The following PPWD1 variants were observed in gnomAD, a reference collection of about 807,000 sequenced individuals.
PPWD1 encodes peptidylprolyl isomerase domain and WD repeat containing 1.
In PPWD1, 43 loss-of-function variants were observed where a neutral mutation model predicts 68.8. The observed-to-expected ratio is 0.62, with a 90% CI of 0.49 to 0.81. The LOEUF (loss-of-function observed/expected upper bound fraction) is 0.81. PPWD1 is among the 30% of genes least tolerant of loss of function. PPWD1 has a pLI of 0.00. For missense variants in PPWD1, 672 were observed against 804.8 expected (o/e 0.83, Z 2.00); for synonymous variants, 232 against 258.7 (o/e 0.90, Z 0.99).
chr5:65,586,131 G>A lies in PPWD1; in HGVS notation c.1747G>A (p.Ala583Thr), dbSNP rs775467257. 1.7e-5 allele frequency: 28 copies of A among 1,613,424 alleles called. No individual in the cohort carries two copies. The highest frequency in any genetic ancestry group is 3.3e-5 in the Admixed American group (2 of 59,934). Residue 583 changes from alanine (A) to threonine (T), a missense_variant, in exon 10 of 11, where the codon GCG becomes ACG. Transcript: ENST00000261308. ...GCCATACACACTCAGCATGGCTAAC[G>A]CGGGATCAAATACTAATGGATCCCA... ...DRPYTLSMAN[A>T]GSNTNGSQFF...
chr5:65,577,194 T>G (rs1235390867), intron 6 of PPWD1, 125 bp downstream of exon 6: 1 of 1,378,232 alleles, frequency 7.3e-7, no homozygotes, highest in Non-Finnish European at 9.4e-7. Context: ...TGTCTAAACT[T>G]AACCAAATGT....
intron 1 of PPWD1, chr5:65,563,835 T>C: frequency 6.7e-7 from 1 of 1,496,878 alleles, no homozygotes; most frequent in Non-Finnish European, 9.0e-7. Flanking sequence ...CGAACTCTTA[T>C]TTAGGTATGC....
intron 10 of PPWD1, 83 bp downstream of exon 10, chr5:65,586,264 T>G: frequency 1.6e-6 from 2 of 1,259,220 alleles, no homozygotes; most frequent in Non-Finnish European, 2.2e-6. Flanking sequence ...AGCTGCATTA[T>G]TCTGTATTTT....
rs566989049 is a variant in PPWD1, at chr5:65,570,096, A to G, written c.521+98A>G. 9 of 1,222,798 alleles carry G rather than the reference A, an allele frequency of 7.4e-6. No homozygotes were observed. The South Asian group carries it at 1.7e-4, about 23-fold the overall frequency. 75.7% of individuals were successfully genotyped at this position (1,222,798 alleles called of 1,614,324 possible). Reference sequence around the variant, plus strand: ...GGTTATTTCTAAATAGTATATTACCATATCTTTAAATAAAATGTGCTGTTG... The same window carrying G: ...GGTTATTTCTAAATAGTATATTACCGTATCTTTAAATAAAATGTGCTGTTG... On this transcript the variant is annotated intron_variant, in intron 4 of 10. Transcript: ENST00000261308.
chr5:65,583,224 G>A lies in PPWD1; in HGVS notation c.1532+5G>A. 2 of 1,537,378 alleles carry A rather than the reference G, an allele frequency of 1.3e-6. No individual in the cohort carries two copies. The highest frequency in any genetic ancestry group is 1.3e-5 in the South Asian group (1 of 79,210). On this transcript the variant is annotated splice_donor_5th_base_variant and intron_variant, in intron 8 of 10. Coordinates refer to ENST00000261308, the MANE Select transcript of PPWD1 (RefSeq NM_015342.4). ...CACCAAACTTTTTCCTGTTGAGTAT[G>A]TATAACAACTGTTTTTATTGGCTTA...
At chr5:65,571,680 T>G (rs1351551387) in intron 4 of PPWD1, 159 bp from the exon 5 acceptor site, 1 of 806,058 alleles carries the variant, frequency 1.2e-6, no homozygotes, top group Non-Finnish European at 1.5e-6. Flanking sequence ...GTAACTATTC[T>G]TAGCTGTTCC....
At chr5:65,566,664 A>C (rs1017645511) in intron 1 of PPWD1, among the ~76,000 whole-genome samples, 1 of 151,976 alleles carries the variant, frequency 6.6e-6, no homozygotes, top group Admixed American at 6.6e-5. Flanking sequence ...TCGTTCAGTT[A>C]TTTTATTTGG....
At chr5:65,570,319 C>T (rs1026190184) in intron 4 of PPWD1, 23 of 885,778 alleles carry the variant, frequency 2.6e-5, no homozygotes, top group Non-Finnish European at 3.0e-5. Flanking sequence ...CCTTGCTTTA[C>T]TTATTTCAGT....
intron 5 of PPWD1, among the ~76,000 whole-genome samples, chr5:65,576,126 G>A (rs1753269373): frequency 8.9e-6 from 1 of 112,906 alleles, no homozygotes; most frequent in African/African-American, 3.5e-5. Flanking sequence ...ATATTGTTGA[G>A]ATGATATTCT....
chr5:65,567,626 CA>C lies in PPWD1; in HGVS notation c.299+12del, dbSNP rs1219131290. 1 of 1,560,628 alleles carries C rather than the reference CA, an allele frequency of 6.4e-7. No individual in the cohort carries two copies. Among genetic ancestry groups the C allele is most frequent in the African/African-American group, 1.4e-5 (1 of 72,040 alleles). On this transcript the variant is annotated intron_variant, in intron 2 of 10. Coordinates refer to ENST00000261308, the MANE Select transcript of PPWD1 (RefSeq NM_015342.4). ...TGTGGTATGCACCAAGTAAGTCTAT[CA>C]CATCTTTTTTACTTTGTTCTGAGTT...
At chr5:65,579,256 C>A in intron 6 of PPWD1, 168 bp from the exon 7 acceptor site, 1 of 1,103,750 alleles carries the variant, frequency 9.1e-7, no homozygotes, top group Non-Finnish European at 1.2e-6. Flanking sequence ...AGCTGCCTAC[C>A]AGTTTAAATT....
intron 8 of PPWD1, among the ~76,000 whole-genome samples, chr5:65,583,738 C>T (rs1753699549): frequency 6.6e-6 from 1 of 151,522 alleles, no homozygotes; most frequent in African/African-American, 2.4e-5. Context: ...CAGTGGAGGC[C>T]AGCAGTTTGA....
chr5:65,572,911 G>T (rs1407813850), intron 5 of PPWD1, among the ~76,000 whole-genome samples: 1 of 151,924 alleles, frequency 6.6e-6, no homozygotes, highest in East Asian at 1.9e-4. Context: ...ATTTATTCTG[G>T]CTTCTTCCTA....
intron 5 of PPWD1, among the ~76,000 whole-genome samples, chr5:65,573,473 A>ATG (rs1423911362): frequency 4.7e-5 from 2 of 42,852 alleles, no homozygotes; most frequent in Non-Finnish European, 9.3e-5. Context: ...ATATATATAT[A>ATG]TATTTTTTTT....
chr5:65,578,430 A>G (rs998915024), intron 6 of PPWD1, among the ~76,000 whole-genome samples: 2 of 152,160 alleles, frequency 1.3e-5, no homozygotes, highest in African/African-American at 2.4e-5. Flanking sequence ...CGAAGTGGCT[A>G]TACTCTTTTT....
At chr5:65,581,110 G>T (rs1000524675) in intron 7 of PPWD1, among the ~76,000 whole-genome samples, 7 of 152,096 alleles carry the variant, frequency 4.6e-5, no homozygotes, top group Non-Finnish European at 8.8e-5. Context: ...TTTGATAAAT[G>T]TATGAAATAG....
intron 7 of PPWD1, among the ~76,000 whole-genome samples, chr5:65,581,823 ATATTCT>A (rs1365335529): frequency 6.6e-6 from 1 of 152,148 alleles, no homozygotes; most frequent in African/African-American, 2.4e-5. Flanking sequence ...TTACTAGTAC[ATATTCT>A]TAAGCAAAAC....
At position 65,575,997 on chromosome 5, in the gene PPWD1, A is replaced by G. The variant is rs182555483; in HGVS notation, c.970-882A>G. On this transcript the variant is annotated intron_variant, in intron 5 of 10. Coordinates refer to ENST00000261308, the MANE Select transcript of PPWD1 (RefSeq NM_015342.4). ...TATCCAGTATAAACAGTCACTAGCC[A>G]CGTGTCTACTGAGCATTTGATAGAT... 3.4e-3 allele frequency among the ~76,000 whole-genome samples: 512 copies of G among 152,366 alleles called. 4 individuals carry two copies. Among genetic ancestry groups the G allele is most frequent in the African/African-American group, 0.012 (492 of 41,598 alleles).
Position 65,577,000 on chromosome 5 carries a change from A to G in PPWD1, c.1091A>G (p.Asp364Gly), listed in dbSNP as rs1561728091. The G allele has an allele frequency of 2.5e-6, 4 of 1,614,176 alleles. No individual in the cohort carries two copies. Among genetic ancestry groups the G allele is most frequent in the Non-Finnish European group, 3.4e-6 (4 of 1,180,008 alleles). The change falls in exon 6 of 11, where the codon GAT (aspartate) becomes GGT (glycine). Residue 364 changes from aspartate (D) to glycine (G), a missense_variant. Physicochemically the swap from Asp to Gly is moderately conservative, Grantham distance 94 (BLOSUM62 -1). Around this residue, in one of 2 missense-constraint regions of PPWD1, gnomAD observed 484 missense variants for 646.2 expected, o/e 0.75. Coordinates refer to ENST00000261308, the MANE Select transcript of PPWD1 (RefSeq NM_015342.4). ...GTAAGATTAATTAATATAGTTTTTG[A>G]TGAAACTGGACACTTCGTGCTGTAT... ...DAVRLINIVFDETGHFVLYGT... is the reference protein window; with the variant it reads ...DAVRLINIVFGETGHFVLYGT...
Sources: allele counts gnomAD v4.1 joint callset (sites outside exome capture counted in the v4.1 genomes callset), GRCh38; gene constraint gnomAD v4.1.1; regional missense constraint gnomAD v4.1.1; transcripts MANE v1.5; gene names NCBI Gene and HGNC (gene_info 2026-07-23, HGNC 2026-07-21).